Variants in MAST4 observed in about 807,000 individuals in gnomAD.
MAST4 encodes the protein microtubule associated serine/threonine kinase family member 4, also known as microtubule-associated serine/threonine-protein kinase 4.
A neutral mutation model predicts 162.7 loss-of-function variants in MAST4; 89 were observed. That is an observed-to-expected ratio of 0.55 (90% CI 0.46 to 0.65). The LOEUF (loss-of-function observed/expected upper bound fraction) is 0.65, where lower values mean the gene tolerates loss of function less well. Among genes scored for constraint, MAST4 ranks in the 30% least tolerant of loss-of-function variants. The pLI is 0.00. For synonymous variants in MAST4, 1,479 were observed against 1,361.1 expected (o/e 1.09, Z -1.91); for missense variants, 3,153 against 3,374.0 (o/e 0.93, Z 1.62).
chr5:66,856,041 G>A (rs1484568919), intron 3 of MAST4, among the ~76,000 whole-genome samples: 1 of 152,162 alleles, frequency 6.6e-6, no homozygotes, highest in Non-Finnish European at 1.5e-5. Context: ...GTGTGCGCCT[G>A]TGGTCCCACT....
chr5:67,014,261 T>A (rs973890578), intron 4 of MAST4, among the ~76,000 whole-genome samples: 3 of 152,174 alleles, frequency 2.0e-5, no homozygotes, highest in African/African-American at 7.2e-5. Context: ...GGCAAAACAA[T>A]TGATAGGCAC....
intron 5 of MAST4, among the ~76,000 whole-genome samples, chr5:67,070,556 G>A (rs1760830180): frequency 6.6e-6 from 1 of 151,972 alleles, no homozygotes. Flanking sequence ...CAGTTGACTT[G>A]TGAGTTTATG....
intron 4 of MAST4, among the ~76,000 whole-genome samples, chr5:67,018,857 A>T (rs559632583): frequency 3.0e-4 from 46 of 152,322 alleles, no homozygotes; most frequent in African/African-American, 1.1e-3. Context: ...TTTAATTTTA[A>T]TGAAACTTAT....
intron 4 of MAST4, among the ~76,000 whole-genome samples, chr5:66,976,487 C>T (rs1442430430): frequency 3.3e-5 from 5 of 152,240 alleles, no homozygotes; most frequent in South Asian, 4.1e-4. Flanking sequence ...AGGGAGCTCT[C>T]GGACTTGTAT....
intron 3 of MAST4, among the ~76,000 whole-genome samples, chr5:66,857,959 A>AT (rs1041259797): frequency 3.3e-5 from 5 of 150,472 alleles, no homozygotes; most frequent in African/African-American, 1.2e-4. Flanking sequence ...TTATTTTTTC[A>AT]TTTTTTTATT....
intron 13 of MAST4, 117 bp from the exon 14 acceptor site, chr5:67,120,900 A>G (rs1581632846): frequency 1.2e-4 from 82 of 702,624 alleles, no homozygotes. Context: ...CTGTGGCTGG[A>G]ATACTGTACT....
intron 1 of MAST4, among the ~76,000 whole-genome samples, chr5:66,636,953 T>A (rs1167633084): frequency 6.6e-6 from 1 of 152,160 alleles, no homozygotes; most frequent in Non-Finnish European, 1.5e-5. Flanking sequence ...ATTGTTAAAG[T>A]CTCAGAAACT....
intron 3 of MAST4, among the ~76,000 whole-genome samples, chr5:66,890,438 A>G (rs746760423): frequency 6.6e-6 from 1 of 152,216 alleles, no homozygotes; most frequent in Non-Finnish European, 1.5e-5. Flanking sequence ...ATCAAAACCC[A>G]TAATAATTGA....
At chr5:66,648,079 T>TGAGAGAGAGA (rs1309684524) in intron 1 of MAST4, among the ~76,000 whole-genome samples, 4 of 103,692 alleles carry the variant, frequency 3.9e-5, no homozygotes, top group African/African-American at 1.8e-4. Context: ...TGTGTGTGTG[T>TGAGAGAGAGA]GTGTGAGAGA....
At position 67,166,822 on chromosome 5, in the gene MAST4, ACAGGGCTCTCTCGG is replaced by A. The variant is rs1456030795; in HGVS notation, c.7644_7657del (p.Arg2549AspfsTer21). 2 of 1,604,758 alleles carry A rather than the reference ACAGGGCTCTCTCGG, an allele frequency of 1.2e-6. No individual in the cohort carries two copies. The highest frequency in any genetic ancestry group is 1.7e-6 in the Non-Finnish European group (2 of 1,176,330). ...ACCATGGGCGGGGCCAGCCACCGGG[ACAGGGCTCTCTCGG>A]TGACTGCCACCGTAGGGGAAACCAA... On this transcript the variant is annotated frameshift_variant, in exon 29 of 29. Coordinates refer to ENST00000403625, the MANE Select transcript of MAST4 (RefSeq NM_001164664.2). LOFTEE classifies it low-confidence loss of function (END_TRUNC).
intron 1 of MAST4, among the ~76,000 whole-genome samples, chr5:66,644,776 T>C (rs10515016): frequency 0.23 from 33,093 of 146,150 alleles, 4,135 homozygotes; most frequent in Admixed American, 0.35. Context: ...AAATGGAAAT[T>C]AGATAAGATG....
chr5:66,973,285 G>GA (rs1188877615), intron 4 of MAST4, among the ~76,000 whole-genome samples: 1 of 151,514 alleles, frequency 6.6e-6, no homozygotes, highest in African/African-American at 2.4e-5. Flanking sequence ...ATGTGTCTGT[G>GA]AAAGTTTTTT....
rs1207192276 is a variant in MAST4, at chr5:66,596,530, GC to G, written c.-125del. ...TCACTGCCATGTAGTCGCTGGCGGG[GC>G]TCCCTGCAGCCCGGGAGCGGCAGTG... On this transcript the variant is annotated 5_prime_UTR_variant, in exon 1 of 29. Transcript: ENST00000403625. 1 of 1,160,310 alleles carries G rather than the reference GC, an allele frequency of 8.6e-7. No individual in the cohort carries two copies. The highest frequency in any genetic ancestry group is 1.1e-6 in the Non-Finnish European group (1 of 910,700). The allele number at this position is 1,160,310 out of a possible 1,614,324, so 71.9% of individuals were successfully genotyped here.
Position 66,650,717 on chromosome 5 carries a change from G to T in MAST4, c.363+53699G>T, listed in dbSNP as rs139866031. 1.2e-4 allele frequency among the ~76,000 whole-genome samples: 18 copies of T among 152,242 alleles called. No homozygotes were observed. In the East Asian group the frequency reaches 3.5e-3, roughly 29 times the overall value. ...GTGGGTTAGCCCAAATACACACATG[G>T]AATACTCTAATACAGCAGTACTCCA... On this transcript the variant is annotated intron_variant, in intron 1 of 28. Coordinates refer to ENST00000403625, the MANE Select transcript of MAST4 (RefSeq NM_001164664.2).
At chr5:66,847,820 CAAAAAAA>C (rs777825639) in intron 3 of MAST4, among the ~76,000 whole-genome samples, 12 of 54,146 alleles carry the variant, frequency 2.2e-4, no homozygotes, top group African/African-American at 8.7e-4. Flanking sequence ...GACTCCTTCT[CAAAAAAA>C]AAAAAAAAAA....
intron 1 of MAST4, among the ~76,000 whole-genome samples, chr5:66,687,293 G>A (rs561157445): frequency 6.6e-5 from 10 of 152,076 alleles, no homozygotes; most frequent in African/African-American, 1.7e-4. Context: ...TATGCATACC[G>A]ATTGTTTAGC....
chr5:66,698,185 G>A (rs559412833), intron 1 of MAST4, among the ~76,000 whole-genome samples: 1 of 151,966 alleles, frequency 6.6e-6, no homozygotes, highest in Non-Finnish European at 1.5e-5. Flanking sequence ...GCTTAACACA[G>A]CCCTGATTTT....
intron 4 of MAST4, among the ~76,000 whole-genome samples, chr5:67,034,714 T>C (rs1467526454): frequency 6.6e-6 from 1 of 152,208 alleles, no homozygotes; most frequent in East Asian, 1.9e-4. Flanking sequence ...TGATAATCAC[T>C]GCCCAAATAT....
chr5:67,133,840 A>G (rs1769284005), intron 17 of MAST4, among the ~76,000 whole-genome samples, 194 bp downstream of exon 17: 1 of 152,158 alleles, frequency 6.6e-6, no homozygotes, highest in Admixed American at 6.5e-5. Context: ...TGCTCCCTCT[A>G]CATTCCTCCC....
Sources: gnomAD v4.1 joint callset for allele counts (sites outside exome capture counted in the v4.1 genomes callset) on GRCh38, gnomAD v4.1.1 for gene constraint, MANE v1.5 for transcripts, NCBI Gene and HGNC (gene_info 2026-07-23, HGNC 2026-07-21) for gene names.